ZC3H12C: variants seen among roughly 807,000 people sequenced by gnomAD.
The protein encoded by ZC3H12C is probable ribonuclease ZC3H12C.
In ZC3H12C, 20 loss-of-function variants were observed where a neutral mutation model predicts 76.3. The observed-to-expected ratio is 0.26, with a 90% CI of 0.18 to 0.38. ZC3H12C has a LOEUF of 0.38. ZC3H12C is among the 10% of genes least tolerant of loss of function. ZC3H12C has a pLI of 1.00. For missense variants in ZC3H12C, 874 were observed against 1,086.5 expected, an observed-to-expected ratio of 0.80 and a Z score of 2.75; for synonymous variants, 352 against 399.6, an observed-to-expected ratio of 0.88 and a Z score of 1.42.
intron 1 of ZC3H12C, among the ~76,000 whole-genome samples, chr11:110,112,903 T>C (rs1004417568): frequency 1.3e-5 from 2 of 152,186 alleles, no homozygotes; most frequent in African/African-American, 4.8e-5. Flanking sequence ...AATTGATTCA[T>C]TAATTCATTC....
At chr11:110,110,434 T>C (rs1048973475) in intron 1 of ZC3H12C, among the ~76,000 whole-genome samples, 2 of 152,118 alleles carry the variant, frequency 1.3e-5, no homozygotes, top group Admixed American at 6.5e-5. Flanking sequence ...ACCAGTTTAA[T>C]AGTATTTCCA....
chr11:110,119,133 G>A (rs1861610400), intron 1 of ZC3H12C, among the ~76,000 whole-genome samples: 1 of 152,212 alleles, frequency 6.6e-6, no homozygotes, highest in South Asian at 2.1e-4. Flanking sequence ...AACATGTGCT[G>A]CAGGCACAGA....
intron 1 of ZC3H12C, among the ~76,000 whole-genome samples, chr11:110,125,270 AGTGTGTGT>A (rs59512764): frequency 0.027 from 3,710 of 138,708 alleles, 71 homozygotes; most frequent in African/African-American, 0.039. Context: ...ATCTCTCACT[AGTGTGTGT>A]GTGTGTGTGT....
At chr11:110,099,584 A>AT (rs1301353479) in intron 1 of ZC3H12C, among the ~76,000 whole-genome samples, 1 of 151,978 alleles carries the variant, frequency 6.6e-6, no homozygotes, top group Admixed American at 6.6e-5. Context: ...TTACCCAATT[A>AT]TTTTTTTTAT....
At chr11:110,159,663 AG>A (rs1428761690) in intron 4 of ZC3H12C, among the ~76,000 whole-genome samples, 173 bp downstream of exon 4, 1 of 152,182 alleles carries the variant, frequency 6.6e-6, no homozygotes, top group Non-Finnish European at 1.5e-5. Flanking sequence ...AATCATTGCC[AG>A]AGGAGGCCCG....
intron 1 of ZC3H12C, among the ~76,000 whole-genome samples, chr11:110,132,714 T>C (rs1861889414): frequency 6.6e-6 from 1 of 152,164 alleles, no homozygotes; most frequent in Admixed American, 6.5e-5. Flanking sequence ...GAGTAAAAAC[T>C]GACCTACTTT....
At chr11:110,112,587 A>G (rs1420519138) in intron 1 of ZC3H12C, among the ~76,000 whole-genome samples, 1 of 152,230 alleles carries the variant, frequency 6.6e-6, no homozygotes, top group African/African-American at 2.4e-5. Context: ...AGCGCTGAGA[A>G]GGGTTAAAGA....
At chr11:110,141,507 TTTGG>T (rs1384677804) in intron 2 of ZC3H12C, among the ~76,000 whole-genome samples, 1 of 152,162 alleles carries the variant, frequency 6.6e-6, no homozygotes, top group Non-Finnish European at 1.5e-5. Context: ...CCTTCAATTG[TTTGG>T]TTGGTTTTGC....
intron 3 of ZC3H12C, among the ~76,000 whole-genome samples, chr11:110,157,939 T>G (rs919842610): frequency 7.2e-5 from 11 of 152,192 alleles, no homozygotes; most frequent in African/African-American, 2.4e-4. Flanking sequence ...TATGTAATAA[T>G]CATCCGTTGC....
intron 4 of ZC3H12C, among the ~76,000 whole-genome samples, chr11:110,161,615 G>C (rs1163119459): frequency 1.3e-5 from 2 of 152,138 alleles, no homozygotes; most frequent in Non-Finnish European, 2.9e-5. Context: ...TAGGTTATTT[G>C]GCAGAGGTTC....
rs1313496888 is a variant in ZC3H12C, at chr11:110,117,774, TATAC to T, written c.22-18887_22-18884del. ...TATTATATATACACACACACATATATATACACACACACATATATATATTATATAT... is the reference window on the plus strand; with the variant it reads ...TATTATATATACACACACACATATATACACACACATATATATATTATATAT... On this transcript the variant is annotated intron_variant, in intron 1 of 5. Coordinates refer to ENST00000278590, the MANE Select transcript of ZC3H12C (RefSeq NM_033390.2). 2.2e-5 allele frequency among the ~76,000 whole-genome samples: 3 copies of T among 139,208 alleles called. 1 individual carries two copies. The Admixed American group carries it at 2.3e-4, about 11-fold the overall frequency. 91.3% of individuals were successfully genotyped at this position (139,208 alleles called of 152,430 possible).
intron 1 of ZC3H12C, 80 bp downstream of exon 1, chr11:110,093,512 G>T: frequency 1.8e-6 from 2 of 1,092,416 alleles, no homozygotes; most frequent in Admixed American, 4.7e-5. Flanking sequence ...GGAGGGCCGC[G>T]GGGCCGCGCC....
intron 4 of ZC3H12C, among the ~76,000 whole-genome samples, chr11:110,160,275 A>G (rs1298601600): frequency 5.3e-5 from 8 of 152,242 alleles, no homozygotes; most frequent in Non-Finnish European, 8.8e-5. Flanking sequence ...ATAAACCACT[A>G]TAGACTTTAT....
At chr11:110,100,225 T>TTTTC (rs1460844771) in intron 1 of ZC3H12C, among the ~76,000 whole-genome samples, 1 of 151,370 alleles carries the variant, frequency 6.6e-6, no homozygotes, top group Non-Finnish European at 1.5e-5. Flanking sequence ...TTTTTTTTTT[T>TTTTC]TTTGATACAG....
intron 1 of ZC3H12C, among the ~76,000 whole-genome samples, chr11:110,125,270 A>AGTGTGTGTGTGT (rs59512764): frequency 7.2e-6 from 1 of 138,684 alleles, no homozygotes; most frequent in African/African-American, 2.7e-5. Flanking sequence ...ATCTCTCACT[A>AGTGTGTGTGTGT]GTGTGTGTGT....
intron 1 of ZC3H12C, among the ~76,000 whole-genome samples, chr11:110,129,217 G>A (rs1861814984): frequency 6.6e-6 from 1 of 151,962 alleles, no homozygotes; most frequent in Non-Finnish European, 1.5e-5. Context: ...TTTTAGAATG[G>A]CATACATCAA....
intron 4 of ZC3H12C, 57 bp downstream of exon 4, chr11:110,159,547 C>A: frequency 7.2e-7 from 1 of 1,381,680 alleles, no homozygotes; most frequent in Non-Finnish European, 1.0e-6. Context: ...ATAACTATCC[C>A]TGGCAGCTGC....
rs79814776 is a variant in ZC3H12C, at chr11:110,128,699, A to G, written c.22-7964A>G. Among the ~76,000 whole-genome samples, 1,461 of 152,268 alleles carry G rather than the reference A, an allele frequency of 9.6e-3. 21 individuals are homozygous for G. The highest frequency in any genetic ancestry group is 0.033 in the African/African-American group (1,383 of 41,562). On this transcript the variant is annotated intron_variant, in intron 1 of 5. Coordinates refer to ENST00000278590, the MANE Select transcript of ZC3H12C (RefSeq NM_033390.2). ...ACTCAGTGCACAGCTATTAAGTTTT[A>G]TTAGGTTTCAGTTGTAACTACTTTG...
At chr11:110,132,447 T>G (rs1285586788) in intron 1 of ZC3H12C, among the ~76,000 whole-genome samples, 1 of 152,212 alleles carries the variant, frequency 6.6e-6, no homozygotes, top group Non-Finnish European at 1.5e-5. Context: ...AAAATTAGCA[T>G]GAACATTTAG....
Sources: allele counts gnomAD v4.1 joint callset (sites outside exome capture counted in the v4.1 genomes callset), GRCh38; gene constraint gnomAD v4.1.1; transcripts MANE v1.5; gene names NCBI Gene and HGNC (gene_info 2026-07-23, HGNC 2026-07-21).